GAK: variants seen among roughly 807,000 people sequenced by gnomAD.
The protein encoded by GAK is cyclin-G-associated kinase.
A neutral mutation model predicts 143.9 loss-of-function variants in GAK; 79 were observed. The ratio of observed to expected loss-of-function variants is 0.55; its 90% CI spans 0.46 to 0.66. The LOEUF is 0.66. Among genes scored for constraint, GAK ranks in the 30% least tolerant of loss-of-function variants. The pLI is 0.00. For synonymous variants in GAK, 881 were observed against 765.5 expected (o/e 1.15, Z -2.49); for missense variants, 1,693 against 1,779.7 (o/e 0.95, Z 0.88).
chr4:908,256 G>A (rs554742479), intron 4 of GAK, among the ~76,000 whole-genome samples: 324 of 152,268 alleles, frequency 2.1e-3, no homozygotes, highest in African/African-American at 6.9e-3. Context: ...GGCTCACACA[G>A]CAGGCAGGCT....
chr4:905,041 A>G (rs1720813003), intron 4 of GAK, among the ~76,000 whole-genome samples: 1 of 152,088 alleles, frequency 6.6e-6, no homozygotes. Flanking sequence ...AACCAATCAG[A>G]TGTTTGCACA....
At chr4:920,539 ATT>A (rs34176109) in intron 1 of GAK, among the ~76,000 whole-genome samples, 55,248 of 129,660 alleles carry the variant, frequency 0.43, 11,333 homozygotes, top group South Asian at 0.5. Context: ...GTTTAGAGCC[ATT>A]TTTTTTTTTT....
chr4:899,116 C>T (rs898812658), intron 5 of GAK, among the ~76,000 whole-genome samples: 2 of 152,224 alleles, frequency 1.3e-5, no homozygotes, highest in African/African-American at 4.8e-5. Context: ...CATGGCAAAA[C>T]AGCTGCCAGC....
intron 11 of GAK, chr4:888,111 C>T (rs1426750935): frequency 1.3e-5 from 2 of 152,286 alleles, no homozygotes; most frequent in Non-Finnish European, 2.9e-5. Context: ...AAGGTGTCGC[C>T]AGCTGTGGAA....
intron 23 of GAK, 138 bp from the exon 24 acceptor site, chr4:859,860 A>C: frequency 1.5e-6 from 1 of 655,914 alleles, no homozygotes; most frequent in South Asian, 1.9e-5. Context: ...GCTTGCGTGC[A>C]CGAGACCAGC....
intron 23 of GAK, among the ~76,000 whole-genome samples, chr4:863,790 C>T (rs548030903): frequency 1.9e-4 from 29 of 149,820 alleles, no homozygotes; most frequent in East Asian, 2.0e-4. Context: ...TTTGGGAGGC[C>T]GAGGCGGGTG....
intron 15 of GAK, among the ~76,000 whole-genome samples, chr4:881,193 C>G (rs1715030381): frequency 6.6e-6 from 1 of 152,188 alleles, no homozygotes; most frequent in Non-Finnish European, 1.5e-5. Flanking sequence ...CCTCCTCTTC[C>G]CTCCCGCCAC....
intron 6 of GAK, among the ~76,000 whole-genome samples, chr4:896,945 G>A (rs1297080053): frequency 6.6e-6 from 1 of 152,244 alleles, no homozygotes; most frequent in Non-Finnish European, 1.5e-5. Flanking sequence ...GAACCCCAGG[G>A]TACGTGAGGG....
intron 1 of GAK, among the ~76,000 whole-genome samples, chr4:916,315 G>A (rs535340944): frequency 1.2e-4 from 18 of 152,126 alleles, no homozygotes; most frequent in Admixed American, 3.3e-4. Flanking sequence ...ATGGAGTGCA[G>A]TGGCACTATC....
chr4:856,062 C>T (rs1231452746), intron 24 of GAK, among the ~76,000 whole-genome samples: 1 of 152,244 alleles, frequency 6.6e-6, no homozygotes, highest in African/African-American at 2.4e-5. Context: ...TCAGGCCAGC[C>T]TTGACCTCCT....
intron 13 of GAK, among the ~76,000 whole-genome samples, 195 bp downstream of exon 13, chr4:883,120 T>G (rs980180987): frequency 6.6e-6 from 1 of 151,874 alleles, no homozygotes; most frequent in Admixed American, 6.5e-5. Flanking sequence ...GCCTCCAGAG[T>G]TCCCGGCAAG....
In GAK at chr4:865,097, T is replaced by C. The variant is rs757308338; in HGVS notation, c.3166+25A>G. 3.6e-5 allele frequency: 57 copies of C among 1,599,510 alleles called. No individual in the cohort carries two copies. In the Admixed American group the frequency reaches 9.6e-4, roughly 27 times the overall value. ...ACAGCAGCTGCACGTCTGGGAGCCC[T>C]GTCCTTGGTGGGTGGTGGCCATACC... On this transcript the variant is annotated intron_variant, in intron 23 of 27. Coordinates refer to ENST00000314167, the MANE Select transcript of GAK (RefSeq NM_005255.4).
At chr4:919,661 T>C (rs1723617597) in intron 1 of GAK, among the ~76,000 whole-genome samples, 1 of 152,220 alleles carries the variant, frequency 6.6e-6, no homozygotes, top group South Asian at 2.1e-4. Flanking sequence ...ATGCCTTCCC[T>C]AATGCACCTG....
At chr4:881,467 G>T (rs1202063078) in intron 15 of GAK, among the ~76,000 whole-genome samples, 1 of 152,228 alleles carries the variant, frequency 6.6e-6, no homozygotes, top group Non-Finnish European at 1.5e-5. Flanking sequence ...GCCAGGGAGA[G>T]CCTGCTGCGC....
chr4:865,018 C>T, intron 23 of GAK, 104 bp downstream of exon 23: 1 of 1,447,680 alleles, frequency 6.9e-7, no homozygotes, highest in Non-Finnish European at 9.2e-7. Flanking sequence ...CCCTTCCTTC[C>T]TTCTCTGCGC....
chr4:915,249 C>T (rs1722940890), intron 1 of GAK, among the ~76,000 whole-genome samples: 1 of 152,098 alleles, frequency 6.6e-6, no homozygotes, highest in African/African-American at 2.4e-5. Context: ...CCCCAGCGTG[C>T]GCGGCCCCAG....
At chr4:912,990 A>G (rs1293627148) in intron 2 of GAK, among the ~76,000 whole-genome samples, 196 bp from the exon 3 acceptor site, 1 of 152,234 alleles carries the variant, frequency 6.6e-6, no homozygotes, top group African/African-American at 2.4e-5. Context: ...GATCTTTGTG[A>G]TGCAAGGACA....
At chr4:878,082 G>C (rs937858509) in intron 15 of GAK, among the ~76,000 whole-genome samples, 1 of 152,060 alleles carries the variant, frequency 6.6e-6, no homozygotes, top group African/African-American at 2.4e-5. Flanking sequence ...TTTACTCATG[G>C]GTTATTTAGA....
chr4:918,672 T>C (rs1723423661), intron 1 of GAK, among the ~76,000 whole-genome samples: 1 of 152,216 alleles, frequency 6.6e-6, no homozygotes, highest in African/African-American at 2.4e-5. Flanking sequence ...AATTAAAAAA[T>C]ATATTAAACA....
Sources: gnomAD v4.1 joint callset for allele counts (sites outside exome capture counted in the v4.1 genomes callset) on GRCh38, gnomAD v4.1.1 for gene constraint, MANE v1.5 for transcripts, NCBI Gene and HGNC (gene_info 2026-07-23, HGNC 2026-07-21) for gene names.